IBTK: variants seen among roughly 807,000 people sequenced by gnomAD.
IBTK encodes the protein BTK-binding protein.
In IBTK, 83 loss-of-function variants were observed where a neutral mutation model predicts 154.9. The observed-to-expected ratio is 0.54, with a 90% CI of 0.45 to 0.64. IBTK has a LOEUF of 0.64. IBTK is among the 30% of genes least tolerant of loss of function. The pLI, the probability that IBTK is intolerant of heterozygous loss-of-function variation, is 0.00. For synonymous variants in IBTK, 515 were observed against 536.1 expected (o/e 0.96, Z 0.54); for missense variants, 1,332 against 1,584.6 (o/e 0.84, Z 2.71).
At chr6:82,197,190 TAA>T (rs1453983167) in intron 21 of IBTK, among the ~76,000 whole-genome samples, 2 of 152,152 alleles carry the variant, frequency 1.3e-5, no homozygotes, top group African/African-American at 4.8e-5. Flanking sequence ...AGCTATAAAA[TAA>T]AGATGTTATC....
intron 23 of IBTK, 100 bp downstream of exon 23, chr6:82,194,379 A>G (rs1214524323): frequency 1.1e-6 from 1 of 872,992 alleles, no homozygotes; most frequent in African/African-American, 1.7e-5. Flanking sequence ...AGAAATTTAT[A>G]TTAATATTTC....
At chr6:82,223,008 T>C (rs1204291310) in intron 8 of IBTK, among the ~76,000 whole-genome samples, 2 of 152,084 alleles carry the variant, frequency 1.3e-5, no homozygotes, top group Non-Finnish European at 2.9e-5. Context: ...AAAAATATAC[T>C]TATCAGTTAT....
rs911536700 is a variant in IBTK, at chr6:82,223,432, A to G, written c.1124+8T>C. The G allele has an allele frequency of 6.3e-7, 1 of 1,599,172 alleles. No homozygotes were observed. The highest frequency in any genetic ancestry group is 1.3e-5 in the African/African-American group (1 of 74,528). On this transcript the variant is annotated splice_region_variant and intron_variant, in intron 8 of 28. Transcript: ENST00000306270. ...AAAATTACGTTTCTTTCACAGAAAT[A>G]CACATACTTAGAAGCCATCTTCTTG...
At chr6:82,222,331 G>T (rs552655613) in intron 8 of IBTK, among the ~76,000 whole-genome samples, 1 of 152,110 alleles carries the variant, frequency 6.6e-6, no homozygotes, top group African/African-American at 2.4e-5. Flanking sequence ...TTAAAAGTTA[G>T]ATAGCTATTC....
At chr6:82,211,947 T>C (rs1401856494) in intron 13 of IBTK, among the ~76,000 whole-genome samples, 1 of 152,206 alleles carries the variant, frequency 6.6e-6, no homozygotes. Context: ...CAGTTTATCC[T>C]TCTCCAAAAC....
At chr6:82,226,385 AC>A (rs1436241314) in intron 5 of IBTK, among the ~76,000 whole-genome samples, 3 of 152,150 alleles carry the variant, frequency 2.0e-5, no homozygotes, top group South Asian at 4.1e-4. Flanking sequence ...CCCACAAAAA[AC>A]ATCTTAAAAT....
intron 25 of IBTK, among the ~76,000 whole-genome samples, chr6:82,186,913 CTT>C (rs138781864): frequency 0.018 from 1,854 of 103,674 alleles, 10 homozygotes; most frequent in African/African-American, 0.054. Context: ...TTATCAAATT[CTT>C]TTTTTTTTTT....
intron 25 of IBTK, among the ~76,000 whole-genome samples, chr6:82,182,874 T>C (rs565153481): frequency 2.6e-5 from 4 of 152,286 alleles, no homozygotes; most frequent in Admixed American, 6.5e-5. Flanking sequence ...CAGAATTCTA[T>C]ATCTGAGTAA....
At chr6:82,217,144 GATA>G (rs1230317124) in intron 10 of IBTK, among the ~76,000 whole-genome samples, 1 of 152,076 alleles carries the variant, frequency 6.6e-6, no homozygotes, top group African/African-American at 2.4e-5. Context: ...GAGTGTCAAA[GATA>G]ATAATTTACA....
intron 2 of IBTK, among the ~76,000 whole-genome samples, chr6:82,236,919 G>A (rs1442781259): frequency 2.0e-5 from 3 of 152,186 alleles, no homozygotes; most frequent in South Asian, 2.1e-4. Flanking sequence ...GGGGAAAACC[G>A]TCAGTGGAAT....
In IBTK at chr6:82,240,813, C is replaced by T; in HGVS notation, c.-327G>A. The stretch of plus-strand genomic sequence containing the variant: ...GAACTCCCCCTCCACACTGTCTGAC[C>T]CTTTTAAATATCCATAATTGCAAGG... On this transcript the variant is annotated 5_prime_UTR_variant, in exon 2 of 29. Coordinates refer to ENST00000306270, the MANE Select transcript of IBTK (RefSeq NM_015525.4). The T allele has an allele frequency of 4.8e-6, 2 of 419,448 alleles. No individual in the cohort carries two copies. Among genetic ancestry groups the T allele is most frequent in the Admixed American group, 4.0e-5 (1 of 24,832 alleles). The allele number at this position is 419,448 out of a possible 1,614,324, so 26.0% of individuals were successfully genotyped here. A position where few individuals can be genotyped will look rare whatever the true frequency, so the allele number is the denominator to read the frequency against.
chr6:82,185,937 A>G (rs554825724), intron 25 of IBTK, among the ~76,000 whole-genome samples: 5 of 152,162 alleles, frequency 3.3e-5, no homozygotes, highest in Admixed American at 3.3e-4. Context: ...GAGCAAGTAT[A>G]TCGTGCCATT....
At chr6:82,231,668 A>C (rs1382832569) in intron 4 of IBTK, 50 bp downstream of exon 4, 1 of 1,424,740 alleles carries the variant, frequency 7.0e-7, no homozygotes. Flanking sequence ...AATCAAATAC[A>C]AAAGTTCTTT....
intron 3 of IBTK, among the ~76,000 whole-genome samples, chr6:82,232,944 G>A (rs1335728292): frequency 6.6e-6 from 1 of 152,192 alleles, no homozygotes; most frequent in South Asian, 2.1e-4. Flanking sequence ...CCTGAGGTCA[G>A]GAGTTCGAGA....
chr6:82,174,145 A>C (rs893146763), intron 26 of IBTK, among the ~76,000 whole-genome samples: 2 of 152,122 alleles, frequency 1.3e-5, no homozygotes, highest in African/African-American at 2.4e-5. Context: ...CAATGAGAAA[A>C]CTGAGGACTA....
chr6:82,235,051 G>A (rs910849783), intron 2 of IBTK, among the ~76,000 whole-genome samples: 1 of 151,794 alleles, frequency 6.6e-6, no homozygotes, highest in African/African-American at 2.4e-5. Context: ...AGTAGAGATG[G>A]GGTTTCACCA....
intron 3 of IBTK, among the ~76,000 whole-genome samples, chr6:82,232,210 T>C (rs1459127473): frequency 3.3e-5 from 5 of 152,206 alleles, no homozygotes; most frequent in Admixed American, 2.6e-4. Flanking sequence ...CTTGTTTCTT[T>C]AGCAGCTAAA....
Position 82,196,446 on chromosome 6 carries a change from C to A in IBTK, c.3026G>T (p.Gly1009Val), listed in dbSNP as rs188420300. Residue 1009 changes from glycine (G) to valine (V), a missense_variant and splice_region_variant, in exon 22 of 29, where the codon GGA (glycine) becomes GTA (valine). Gly to Val is a moderately radical substitution (Grantham distance 109). This residue lies in a region of IBTK where 1,134 missense variants were observed against 1,274.7 expected (regional missense o/e 0.89). Transcript: ENST00000306270. ...ATTGGTCTTACCAGACTTTAATAAT[C>A]CTAAAACATGAAATTAAAAAAAATT... is the stretch of plus-strand genomic sequence containing the variant. Reference protein sequence around the residue: ...SDIIQSPSSTGLLKSGKTNSV... With the variant: ...SDIIQSPSSTVLLKSGKTNSV... The A allele has an allele frequency of 5.7e-6, 9 of 1,588,996 alleles. 1 individual carries two copies. In the South Asian group the frequency reaches 7.0e-5, roughly 12 times the overall value.
intron 25 of IBTK, among the ~76,000 whole-genome samples, chr6:82,184,426 C>T (rs1486679258): frequency 6.6e-6 from 1 of 152,156 alleles, no homozygotes; most frequent in East Asian, 1.9e-4. Flanking sequence ...ATTCAAACAT[C>T]AAGCCAGGCC....
Sources: allele counts gnomAD v4.1 joint callset (sites outside exome capture counted in the v4.1 genomes callset), GRCh38; gene constraint gnomAD v4.1.1; regional missense constraint gnomAD v4.1.1; transcripts MANE v1.5; gene names NCBI Gene and HGNC (gene_info 2026-07-23, HGNC 2026-07-21).